Variants in CACNA1D observed in about 807,000 individuals in gnomAD.
CACNA1D encodes calcium voltage-gated channel subunit alpha1 D, also known as voltage-dependent L-type calcium channel subunit alpha-1D.
A neutral mutation model predicts 257.1 loss-of-function variants in CACNA1D; 55 were observed. That is an observed-to-expected ratio of 0.21 (90% CI 0.17 to 0.27). The LOEUF is 0.27. CACNA1D is among the 10% of genes least tolerant of loss of function. CACNA1D has a pLI of 1.00. For synonymous variants in CACNA1D, 980 were observed against 1,014.9 expected (o/e 0.97, Z 0.65); for missense variants, 1,876 against 2,784.0 (o/e 0.67, Z 7.34).
At chr3:53,783,544 G>T (rs867220583) in intron 39 of CACNA1D, among the ~76,000 whole-genome samples, 1 of 152,206 alleles carries the variant, frequency 6.6e-6, no homozygotes, top group Non-Finnish European at 1.5e-5. Flanking sequence ...GAGAAGTGGG[G>T]CCTTAGGAGG....
chr3:53,758,037 G>T (rs1286838805), intron 29 of CACNA1D, among the ~76,000 whole-genome samples: 1 of 152,150 alleles, frequency 6.6e-6, no homozygotes, highest in African/African-American at 2.4e-5. Flanking sequence ...GCTTCCTGGT[G>T]GTAGCTCAGT....
In CACNA1D at chr3:53,811,466, A is replaced by G. The variant is rs1301023725; in HGVS notation, c.*60A>G. ...GTGGGGCGCAGGAGAGCCAGGGGAAAAGTGCCTCATAGTTAGGAAAGTTTA... is the reference window on the plus strand; with the variant it reads ...GTGGGGCGCAGGAGAGCCAGGGGAAGAGTGCCTCATAGTTAGGAAAGTTTA... On this transcript the variant is annotated 3_prime_UTR_variant, in exon 48 of 48. Coordinates refer to ENST00000350061, the MANE Select transcript of CACNA1D (RefSeq NM_001128840.3). The surrounding 1 kb of genome is among the most constrained non-coding windows in gnomAD (Gnocchi z 4.2). 5 of 1,415,864 alleles carry G rather than the reference A, an allele frequency of 3.5e-6. No individual in the cohort carries two copies. Among genetic ancestry groups the G allele is most frequent in the East Asian group, 4.8e-5 (2 of 41,652 alleles). The allele number at this position is 1,415,864 out of a possible 1,614,324, so 87.7% of individuals were successfully genotyped here.
At chr3:53,637,785 C>G (rs2093902302) in intron 3 of CACNA1D, among the ~76,000 whole-genome samples, 2 of 152,340 alleles carry the variant, frequency 1.3e-5, no homozygotes, top group South Asian at 2.1e-4. Context: ...TGCCTGCTGA[C>G]TTGCTCATTC....
At chr3:53,504,165 T>C (rs2090724747) in intron 3 of CACNA1D, among the ~76,000 whole-genome samples, 1 of 152,088 alleles carries the variant, frequency 6.6e-6, no homozygotes, top group Non-Finnish European at 1.5e-5. Context: ...CTGTAGTAAA[T>C]ACCTTTCATT....
rs2094548045 is a variant in CACNA1D, at chr3:53,693,574, T to A, written c.1221-9067T>A. Among the ~76,000 whole-genome samples the A allele has an allele frequency of 1.3e-5, 2 of 152,144 alleles. 1 individual carries two copies. The highest frequency in any genetic ancestry group is 2.9e-5 in the Non-Finnish European group (2 of 68,014). ...AAAGTTCTTTGAATCAAACTACATT[T>A]GCATTCTGTTTCATTTCCTTCATGT... On this transcript the variant is annotated intron_variant, in intron 8 of 47. Coordinates refer to ENST00000350061, the MANE Select transcript of CACNA1D (RefSeq NM_001128840.3).
At chr3:53,773,790 G>A (rs2095380650) in intron 33 of CACNA1D, 1 of 152,050 alleles carries the variant, frequency 6.6e-6, no homozygotes, top group East Asian at 1.9e-4. Context: ...GCAGCACGTG[G>A]TGCTATGTGC....
intron 8 of CACNA1D, among the ~76,000 whole-genome samples, chr3:53,682,635 T>C (rs1156929420): frequency 6.6e-6 from 1 of 152,124 alleles, no homozygotes; most frequent in Non-Finnish European, 1.5e-5. Context: ...TGGGTGTTCA[T>C]TGTATAATTG....
At chr3:53,766,796 A>G (rs9311514) in intron 30 of CACNA1D, among the ~76,000 whole-genome samples, 43,010 of 152,078 alleles carry the variant, frequency 0.28, 6,956 homozygotes, top group Non-Finnish European at 0.37. Context: ...GGTGGGAAGG[A>G]ACTGCCAAGT....
At chr3:53,653,637 T>A (rs1376281759) in intron 4 of CACNA1D, among the ~76,000 whole-genome samples, 1 of 152,090 alleles carries the variant, frequency 6.6e-6, no homozygotes, top group Non-Finnish European at 1.5e-5. Flanking sequence ...AATTTGAACA[T>A]ATGGCAATAA....
At chr3:53,613,207 G>T (rs908462425) in intron 3 of CACNA1D, among the ~76,000 whole-genome samples, 1 of 152,198 alleles carries the variant, frequency 6.6e-6, no homozygotes, top group East Asian at 1.9e-4. Flanking sequence ...CAAGTGCCAG[G>T]ACAGAGCTAT....
intron 9 of CACNA1D, among the ~76,000 whole-genome samples, chr3:53,705,098 G>C (rs1198309787): frequency 6.6e-6 from 1 of 152,176 alleles, no homozygotes; most frequent in Non-Finnish European, 1.5e-5. Flanking sequence ...TTGCCATGAG[G>C]GGAAGATGGA....
At chr3:53,745,932 G>A (rs2095164385) in intron 25 of CACNA1D, 57 bp downstream of exon 25, 3 of 1,349,902 alleles carry the variant, frequency 2.2e-6, no homozygotes, top group African/African-American at 1.4e-5. Context: ...AGACTTCAAG[G>A]ATTCACACAT....
intron 4 of CACNA1D, among the ~76,000 whole-genome samples, chr3:53,652,720 A>G (rs889164723): frequency 2.6e-5 from 4 of 152,230 alleles, no homozygotes; most frequent in African/African-American, 9.6e-5. Context: ...ACTGTGGCCA[A>G]TGGGCTAAGT....
intron 15 of CACNA1D, among the ~76,000 whole-genome samples, chr3:53,729,553 T>C (rs2094968326): frequency 6.6e-6 from 1 of 152,228 alleles, no homozygotes; most frequent in African/African-American, 2.4e-5. Context: ...CATGCTTCAC[T>C]GCTAGTGGGT....
chr3:53,507,300 A>C (rs1446208625), intron 3 of CACNA1D, among the ~76,000 whole-genome samples: 1 of 152,170 alleles, frequency 6.6e-6, no homozygotes, highest in Non-Finnish European at 1.5e-5. Flanking sequence ...TTTCCAAAAT[A>C]AAATCCAGCT....
At chr3:53,627,498 G>A (rs888520595) in intron 3 of CACNA1D, among the ~76,000 whole-genome samples, 2 of 151,874 alleles carry the variant, frequency 1.3e-5, no homozygotes. Flanking sequence ...TTAAGTCCCC[G>A]TTTCTTAGAT....
At chr3:53,710,133 C>T (rs1211538943) in intron 9 of CACNA1D, among the ~76,000 whole-genome samples, 1 of 152,200 alleles carries the variant, frequency 6.6e-6, no homozygotes, top group Non-Finnish European at 1.5e-5. Context: ...ACCCTGGAAA[C>T]CTTTATCTAG....
intron 3 of CACNA1D, among the ~76,000 whole-genome samples, chr3:53,602,970 C>T (rs116813544): frequency 0.011 from 1,657 of 152,300 alleles, 24 homozygotes; most frequent in African/African-American, 0.038. Context: ...TTCTCTCCAG[C>T]GGACGAAGTT....
chr3:53,657,748 C>G (rs1356694094), intron 4 of CACNA1D, among the ~76,000 whole-genome samples: 1 of 152,204 alleles, frequency 6.6e-6, no homozygotes, highest in Admixed American at 6.5e-5. Flanking sequence ...ACTACAGTTT[C>G]CAACTACAGT....
Sources: gnomAD v4.1 joint callset for allele counts (sites outside exome capture counted in the v4.1 genomes callset) on GRCh38, gnomAD v4.1.1 for gene constraint, Gnocchi (gnomAD v3.1) non-coding constraint, MANE v1.5 for transcripts, NCBI Gene and HGNC (gene_info 2026-07-23, HGNC 2026-07-21) for gene names.